SPG7: variants seen among roughly 807,000 people sequenced by gnomAD.
SPG7 encodes the protein SPG7 matrix AAA peptidase subunit, paraplegin, also known as mitochondrial inner membrane m-AAA protease component paraplegin.
A neutral mutation model predicts 81.9 loss-of-function variants in SPG7; 103 were observed. The ratio of observed to expected loss-of-function variants is 1.26; its 90% CI spans 1.07 to 1.48. SPG7 has a LOEUF of 1.48. Among genes scored for constraint, SPG7 ranks in the 40% most tolerant of loss-of-function variants. SPG7 has a pLI of 0.00. For missense variants in SPG7, 1,241 were observed against 1,087.3 expected (o/e 1.14, Z -1.99); for synonymous variants, 534 against 444.2 (o/e 1.20, Z -2.54).
At chr16:89,511,608 G>A (rs1363684695) in intron 2 of SPG7, among the ~76,000 whole-genome samples, 3 of 152,240 alleles carry the variant, frequency 2.0e-5, no homozygotes. Context: ...ACATGCTTCA[G>A]CCTCCTTAAG....
At chr16:89,536,843 C>A in intron 9 of SPG7, 1 of 1,614,132 alleles carries the variant, frequency 6.2e-7, no homozygotes, top group South Asian at 1.1e-5. Context: ...TCCTGTCTCA[C>A]GGAGCCCACA....
In SPG7 at chr16:89,532,460, C is replaced by T. The variant is rs1324971940; in HGVS notation, c.1151-3C>T. 6.2e-7 allele frequency: 1 copy of T among 1,613,354 alleles called. No homozygotes were observed. Among genetic ancestry groups the T allele is most frequent in the South Asian group, 1.1e-5 (1 of 91,088 alleles). On this transcript the variant is annotated splice_polypyrimidine_tract_variant and splice_region_variant and intron_variant, in intron 8 of 16. Transcript: ENST00000645818. ...TTTCCTGATTCTCTCTGTGTCCCCT[C>T]AGGCCTCGGCGCTGCCCGTGTGCGG...
Position 89,524,050 on chromosome 16 carries a change from C to G in SPG7, c.421C>G (p.Arg141Gly). Reference sequence around the variant, plus strand: ...GCGGGACGACCAGATGTACCGAGAGCGGCTGCGCACCTTGCTGGTCATCGC... The same window carrying G: ...GCGGGACGACCAGATGTACCGAGAGGGGCTGCGCACCTTGCTGGTCATCGC... The part of the protein sequence containing the change: ...RERDDQMYRE[R>G]LRTLLVIAVV... The change falls in exon 4 of 17, where the codon CGG becomes GGG. Residue 141 changes from arginine to glycine, a missense_variant. By Grantham distance (125) the Arg-to-Gly change is moderately radical. Coordinates refer to ENST00000645818, the MANE Select transcript of SPG7 (RefSeq NM_003119.4). The G allele has an allele frequency of 6.2e-7, 1 of 1,613,580 alleles. No homozygotes were observed. Among genetic ancestry groups the G allele is most frequent in the Non-Finnish European group, 8.5e-7 (1 of 1,180,028 alleles).
intron 15 of SPG7, among the ~76,000 whole-genome samples, 195 bp from the exon 16 acceptor site, chr16:89,554,291 G>T (rs2058665986): frequency 6.6e-6 from 1 of 152,120 alleles, no homozygotes; most frequent in Admixed American, 6.5e-5. Context: ...GGTGGGTGTG[G>T]GTGGGTGGGC....
chr16:89,537,478 G>A (rs1292974624), intron 9 of SPG7: 7 of 1,005,962 alleles, frequency 7.0e-6, no homozygotes, highest in Non-Finnish European at 5.9e-6. Flanking sequence ...GCAAGACGAC[G>A]GCCCCTGACG....
chr16:89,528,897 C>G (rs1204910224), intron 5 of SPG7: 8 of 173,916 alleles, frequency 4.6e-5, no homozygotes, highest in Admixed American at 2.2e-4. Flanking sequence ...CTGCAGCCTT[C>G]ACCTCCTAGG....
At chr16:89,544,149 G>C (rs1004468092) in intron 9 of SPG7, 1 of 230,322 alleles carries the variant, frequency 4.3e-6, no homozygotes, top group Non-Finnish European at 8.7e-6. Context: ...ACATACACCA[G>C]GGATCAGTGA....
Position 89,526,542 on chromosome 16 carries a change from C to A in SPG7, c.758+74C>A, listed in dbSNP as rs546221243. Reference sequence around the variant, plus strand: ...TGTAATCTGAGAAACAGATTGCAATCAAAAATCTCAAACTGTCTTTGCCTA... The same window carrying A: ...TGTAATCTGAGAAACAGATTGCAATAAAAAATCTCAAACTGTCTTTGCCTA... On this transcript the variant is annotated intron_variant, in intron 5 of 16. Transcript: ENST00000645818. 7.8e-5 allele frequency: 120 copies of A among 1,543,576 alleles called. No individual in the cohort carries two copies. In the South Asian group the frequency reaches 1.2e-3, roughly 15 times the overall value.
chr16:89,532,752 A>G (rs1567915622), intron 9 of SPG7, 116 bp downstream of exon 9: 1 of 1,275,648 alleles, frequency 7.8e-7, no homozygotes, highest in Non-Finnish European at 1.1e-6. Context: ...CCTGGGTGAC[A>G]GAGTGAGACT....
At chr16:89,544,609 C>T in intron 9 of SPG7, 39 bp from the exon 10 acceptor site, 1 of 1,612,908 alleles carries the variant, frequency 6.2e-7, no homozygotes, top group Non-Finnish European at 8.5e-7. Flanking sequence ...TGTGTCAGGA[C>T]CCCTACCCTC....
intron 16 of SPG7, chr16:89,555,131 G>T (rs1035592617): frequency 1.3e-5 from 2 of 156,094 alleles, no homozygotes; most frequent in Admixed American, 6.2e-5. Flanking sequence ...CACGAGGCTG[G>T]AGTGCAGTGG....
In SPG7 at chr16:89,524,032, G is replaced by A. The variant is rs767820132; in HGVS notation, c.403G>A (p.Asp135Asn). The A allele has an allele frequency of 2.5e-5, 40 of 1,613,142 alleles. No homozygotes were observed. Among genetic ancestry groups the A allele is most frequent in the Admixed American group, 2.0e-4 (12 of 59,998 alleles). ...EEERRRRERD[D>N]QMYRERLRTL... Reference sequence around the variant, plus strand: ...GGAGAGGAGACGCCGTGAGCGGGACGACCAGATGTACCGAGAGCGGCTGCG... The same window carrying A: ...GGAGAGGAGACGCCGTGAGCGGGACAACCAGATGTACCGAGAGCGGCTGCG... Residue 135 changes from aspartate (D) to asparagine (N), a missense_variant, in exon 4 of 17, where the codon GAC becomes AAC. By Grantham distance (23) the Asp-to-Asn change is conservative. Transcript: ENST00000645818.
rs761154341 is a variant in SPG7 at position 89,546,720 on chromosome 16, T to G, written c.1512T>G (p.Phe504Leu). Reference sequence around the variant, plus strand: ...TGAAGCTGACCCAGTCCAGCACCTTTTACTCCCAGCGTCTGGCAGAGCTGA... The same window carrying G: ...TGAAGCTGACCCAGTCCAGCACCTTGTACTCCCAGCGTCTGGCAGAGCTGA... ...KSLKLTQSST[F>L]YSQRLAELTP... The change falls in exon 11 of 17, where the codon TTT (phenylalanine) becomes TTG (leucine). Residue 504 changes from phenylalanine to leucine, a missense_variant. By Grantham distance (22) the Phe-to-Leu change is conservative (BLOSUM62 0). Transcript: ENST00000645818. The G allele has an allele frequency of 6.2e-7, 1 of 1,613,796 alleles. No individual in the cohort carries two copies. The highest frequency in any genetic ancestry group is 8.5e-7 in the Non-Finnish European group (1 of 1,179,736).
At chr16:89,534,279 T>C (rs1428508629) in intron 9 of SPG7, among the ~76,000 whole-genome samples, 2 of 152,158 alleles carry the variant, frequency 1.3e-5, no homozygotes, top group Non-Finnish European at 2.9e-5. Context: ...CTATCCGCCT[T>C]CTTTCAAGCA....
At chr16:89,525,617 G>A (rs2058249905) in intron 4 of SPG7, among the ~76,000 whole-genome samples, 1 of 152,126 alleles carries the variant, frequency 6.6e-6, no homozygotes, top group South Asian at 2.1e-4. Flanking sequence ...TTGCCGTCCA[G>A]TCATGCTGAA....
chr16:89,537,592 C>A, intron 9 of SPG7: 7 of 947,802 alleles, frequency 7.4e-6, no homozygotes, highest in Non-Finnish European at 8.8e-6. Context: ...AGTGCAGTGC[C>A]ACCATCATAG....
Position 89,512,976 on chromosome 16 carries a change from G to T in SPG7, c.315G>T (p.Arg105Ser). 1 of 1,613,428 alleles carries T rather than the reference G, an allele frequency of 6.2e-7. No homozygotes were observed. ...LGGTFYFNTS[R>S]LKQKNKEKDK... ...GTACTTTCTATTTTAACACCTCAAG[G>T]TTGAAGCAGAAGAATAAGGAGAAGG... Residue 105 changes from arginine (R) to serine (S), a missense_variant, in exon 3 of 17, where the codon AGG (arginine) becomes AGT (serine). Physicochemically the swap from Arg to Ser is moderately radical, Grantham distance 110. Transcript: ENST00000645818.
At chr16:89,547,888 CAG>C (rs2058584074) in intron 11 of SPG7, 113 bp from the exon 12 acceptor site, 5 of 812,918 alleles carry the variant, frequency 6.2e-6, no homozygotes, top group Non-Finnish European at 1.1e-5. Context: ...GCTGGGATTA[CAG>C]GGGTGAGCCA....
chr16:89,552,897 G>T, intron 13 of SPG7, 82 bp from the exon 14 acceptor site: 1 of 1,364,094 alleles, frequency 7.3e-7, no homozygotes, highest in East Asian at 2.3e-5. Context: ...CTTTAATGAC[G>T]GAGACCTCTT....
Sources: gnomAD v4.1 joint callset for allele counts (sites outside exome capture counted in the v4.1 genomes callset) on GRCh38, gnomAD v4.1.1 for gene constraint, MANE v1.5 for transcripts, NCBI Gene and HGNC (gene_info 2026-07-23, HGNC 2026-07-21) for gene names.